Variants in FGFR2 observed in about 807,000 individuals in gnomAD.
FGFR2 encodes fibroblast growth factor receptor 2.
FGFR2 carries 19 observed loss-of-function variants against 95.9 expected under a neutral mutation model. The ratio of observed to expected loss-of-function variants is 0.20; its 90% CI spans 0.14 to 0.29. The LOEUF (loss-of-function observed/expected upper bound fraction) is 0.29, where lower values mean the gene tolerates loss of function less well. Among genes scored for constraint, FGFR2 ranks in the 10% least tolerant of loss-of-function variants. The pLI, the probability that FGFR2 is intolerant of heterozygous loss-of-function variation, is 1.00. For missense variants in FGFR2, 707 were observed against 1,056.9 expected (o/e 0.67, Z 4.59); for synonymous variants, 392 against 393.3 (o/e 1.00, Z 0.04).
Position 121,485,243 on chromosome 10 carries a change from C to G in FGFR2, c.2195+152G>C. Reference sequence around the variant, plus strand: ...AATGGTTGTCGGTGTCGCTATGTATCCCAGCTCTGGATTGAGCCCAGAGAG... The same window carrying G: ...AATGGTTGTCGGTGTCGCTATGTATGCCAGCTCTGGATTGAGCCCAGAGAG... On this transcript the variant is annotated intron_variant, in intron 16 of 17. Coordinates refer to ENST00000358487, the MANE Select transcript of FGFR2 (RefSeq NM_000141.5). This position sits in a 1 kb window ranked among gnomAD's most constrained non-coding sequence, Gnocchi z 4.2. 2.0e-6 allele frequency: 2 copies of G among 1,004,094 alleles called. No individual in the cohort carries two copies. The highest frequency in any genetic ancestry group is 3.1e-6 in the Non-Finnish European group (2 of 637,850). 62.2% of individuals were successfully genotyped at this position (1,004,094 alleles called of 1,614,324 possible).
chr10:121,489,282 C>A (rs367790345), intron 13 of FGFR2, among the ~76,000 whole-genome samples: 15 of 152,238 alleles, frequency 9.9e-5, no homozygotes, highest in Admixed American at 8.5e-4. Context: ...CCATGTCGGT[C>A]AGGCTGGTCT....
At chr10:121,536,077 C>T (rs754841600) in intron 6 of FGFR2, among the ~76,000 whole-genome samples, 1 of 152,210 alleles carries the variant, frequency 6.6e-6, no homozygotes, top group Non-Finnish European at 1.5e-5. Flanking sequence ...TGTTATCACA[C>T]AGCAGTGTAT....
chr10:121,560,933 A>G (rs1754667357), intron 4 of FGFR2, among the ~76,000 whole-genome samples: 1 of 152,164 alleles, frequency 6.6e-6, no homozygotes, highest in South Asian at 2.1e-4. Flanking sequence ...TTCTCAGGTG[A>G]TGCTGATGCT....
chr10:121,509,577 G>A (rs543079666), intron 9 of FGFR2, among the ~76,000 whole-genome samples: 42 of 144,588 alleles, frequency 2.9e-4, no homozygotes, highest in African/African-American at 6.3e-4. Flanking sequence ...CCCGCCTACC[G>A]GGTTCAAGTG....
intron 9 of FGFR2, among the ~76,000 whole-genome samples, chr10:121,506,357 C>CAAAAAAA (rs10678814): frequency 9.9e-5 from 10 of 101,138 alleles, no homozygotes; most frequent in East Asian, 5.6e-4. Context: ...GACTCCGTCT[C>CAAAAAAA]AAAAAAAAAA....
chr10:121,573,083 C>A (rs1187772657), intron 2 of FGFR2, among the ~76,000 whole-genome samples: 6 of 152,228 alleles, frequency 3.9e-5, no homozygotes, highest in African/African-American at 1.4e-4. Context: ...TTTCAGGTAA[C>A]ACTTTACGTT....
At chr10:121,495,100 G>A (rs1215858255) in intron 13 of FGFR2, among the ~76,000 whole-genome samples, 1 of 152,064 alleles carries the variant, frequency 6.6e-6, no homozygotes, top group Non-Finnish European at 1.5e-5. Flanking sequence ...CCCATGTTCT[G>A]GATCTGTCTG....
intron 11 of FGFR2, among the ~76,000 whole-genome samples, chr10:121,499,495 C>T (rs1037357437): frequency 1.3e-5 from 2 of 151,496 alleles, no homozygotes; most frequent in African/African-American, 4.9e-5. Flanking sequence ...GGGAGGGAGA[C>T]ACAGCCGTGG....
In FGFR2 at chr10:121,565,685, T is replaced by C. The variant is rs771790476; in HGVS notation, c.129A>G (p.Gln43=). 3.1e-6 allele frequency: 5 copies of C among 1,613,968 alleles called. No individual in the cohort carries two copies. The highest frequency in any genetic ancestry group is 2.2e-5 in the East Asian group (1 of 44,884). Residue 43 remains glutamine, a synonymous_variant, in exon 3 of 18, where the codon CAA becomes CAG. Coordinates refer to ENST00000358487, the MANE Select transcript of FGFR2 (RefSeq NM_000141.5). ...LEPEEPPTKY[Q]ISQPEVYVAA... ...CCACGTACACTTCTGGTTGAGAGATTTGGTATTTGGTTGGTGGCTCTGCAG... is the reference window on the plus strand; with the variant it reads ...CCACGTACACTTCTGGTTGAGAGATCTGGTATTTGGTTGGTGGCTCTGCAG...
intron 6 of FGFR2, among the ~76,000 whole-genome samples, chr10:121,522,634 A>G (rs914437549): frequency 6.6e-6 from 1 of 152,208 alleles, no homozygotes; most frequent in Admixed American, 6.5e-5. Flanking sequence ...ATAAAATAAA[A>G]AGAATTAAAT....
In FGFR2 at chr10:121,515,295, G is replaced by C. The variant is rs1849561317; in HGVS notation, c.1109C>G (p.Thr370Arg). ...TATCTCCAGGTAGTCTGGGGAAGCTGTAATCTCCTTTTCTCTTCCAGGCGC... is the reference window on the plus strand; with the variant it reads ...TATCTCCAGGTAGTCTGGGGAAGCTCTAATCTCCTTTTCTCTTCCAGGCGC... The part of the protein sequence containing the change: ...LPAPGREKEI[T>R]ASPDYLEIAI... The change falls in exon 9 of 18, where the codon ACA (threonine) becomes AGA (arginine). Residue 370 changes from threonine to arginine, a missense_variant. Thr to Arg is a moderately conservative substitution (Grantham distance 71). Around this residue, in one of 7 missense-constraint regions of FGFR2, gnomAD observed 194 missense variants for 267.3 expected, o/e 0.73. Coordinates refer to ENST00000358487, the MANE Select transcript of FGFR2 (RefSeq NM_000141.5). The C allele has an allele frequency of 2.5e-6, 4 of 1,614,148 alleles. No homozygotes were observed. Among genetic ancestry groups the C allele is most frequent in the Non-Finnish European group, 2.5e-6 (3 of 1,180,026 alleles).
chr10:121,543,281 G>A (rs904321978), intron 5 of FGFR2, among the ~76,000 whole-genome samples: 5 of 152,132 alleles, frequency 3.3e-5, no homozygotes, highest in South Asian at 2.1e-4. Context: ...AGGCCGAGGC[G>A]GGCAGATCAT....
At chr10:121,509,397 A>C (rs989573552) in intron 9 of FGFR2, among the ~76,000 whole-genome samples, 12 of 146,822 alleles carry the variant, frequency 8.2e-5, no homozygotes, top group African/African-American at 2.8e-4. Flanking sequence ...TCCATAGTAC[A>C]TATGGGAGAT....
intron 2 of FGFR2, among the ~76,000 whole-genome samples, chr10:121,589,635 C>T (rs1286413769): frequency 6.6e-6 from 1 of 152,178 alleles, no homozygotes; most frequent in East Asian, 1.9e-4. Context: ...ATACAAGTAC[C>T]AGTTCTCTGG....
At chr10:121,513,505 G>C (rs1300004669) in intron 9 of FGFR2, among the ~76,000 whole-genome samples, 1 of 152,046 alleles carries the variant, frequency 6.6e-6, no homozygotes, top group Non-Finnish European at 1.5e-5. Flanking sequence ...AGATAATTAA[G>C]GGGCAGTGGC....
chr10:121,498,315 CG>C (rs1397336544), intron 12 of FGFR2, among the ~76,000 whole-genome samples, 179 bp downstream of exon 12: 1 of 152,202 alleles, frequency 6.6e-6, no homozygotes, highest in Admixed American at 6.5e-5. Context: ...CCCCCAGGTA[CG>C]GGCACAGACC....
chr10:121,502,901 A>G, intron 10 of FGFR2, among the ~76,000 whole-genome samples: 1 of 152,098 alleles, frequency 6.6e-6, no homozygotes, highest in Non-Finnish European at 1.5e-5. Flanking sequence ...GAGGGCTAGG[A>G]GCTCAAATTC....
At chr10:121,539,396 C>G (rs909006149) in intron 5 of FGFR2, among the ~76,000 whole-genome samples, 5 of 152,218 alleles carry the variant, frequency 3.3e-5, no homozygotes, top group African/African-American at 1.2e-4. Context: ...CGTCCGTTCA[C>G]AAACTTCTTG....
At chr10:121,483,971 C>T (rs1027177580) in intron 16 of FGFR2, among the ~76,000 whole-genome samples, 168 bp from the exon 17 acceptor site, 2 of 152,048 alleles carry the variant, frequency 1.3e-5, no homozygotes, top group Non-Finnish European at 2.9e-5. Context: ...AGCTTCCCTG[C>T]CAGTTCCTCC....
Sources: allele counts gnomAD v4.1 joint callset (sites outside exome capture counted in the v4.1 genomes callset), GRCh38; gene constraint gnomAD v4.1.1; regional missense constraint gnomAD v4.1.1; non-coding constraint Gnocchi (gnomAD v3.1); transcripts MANE v1.5; gene names NCBI Gene and HGNC (gene_info 2026-07-23, HGNC 2026-07-21).